The following MEI4 variants were observed in gnomAD, a reference collection of about 807,000 sequenced individuals.
MEI4 encodes meiotic double-stranded break formation protein 4, also known as meiosis-specific protein MEI4.
Under a neutral mutation model 31.4 loss-of-function variants are expected in MEI4, and 27 were observed. The ratio of observed to expected loss-of-function variants is 0.86; its 90% CI spans 0.63 to 1.19. The LOEUF is 1.19. Ranked by LOEUF, MEI4 falls within the 50% of genes most tolerant of loss-of-function variation. MEI4 has a pLI of 0.00. For missense variants in MEI4, 329 were observed against 398.9 expected (o/e 0.82, Z 1.49); for synonymous variants, 122 against 145.4 (o/e 0.84, Z 1.16).
At chr6:77,807,431 A>G (rs1270763448) in intron 3 of MEI4, among the ~76,000 whole-genome samples, 1 of 152,262 alleles carries the variant, frequency 6.6e-6, no homozygotes, top group East Asian at 1.9e-4. Context: ...TTAAACATTT[A>G]CAAAAGTAGG....
intron 4 of MEI4, among the ~76,000 whole-genome samples, chr6:77,906,872 C>G (rs957622790): frequency 6.6e-6 from 1 of 152,132 alleles, no homozygotes; most frequent in African/African-American, 2.4e-5. Flanking sequence ...AGATGTAGCT[C>G]TCTATGGCTG....
intron 2 of MEI4, among the ~76,000 whole-genome samples, chr6:77,731,094 G>T (rs1442402174): frequency 6.6e-6 from 1 of 151,968 alleles, no homozygotes; most frequent in Non-Finnish European, 1.5e-5. Flanking sequence ...ACATATGTGT[G>T]CATGTGTCTT....
At chr6:77,772,025 A>AT (rs1768331020) in intron 3 of MEI4, among the ~76,000 whole-genome samples, 1 of 151,936 alleles carries the variant, frequency 6.6e-6, no homozygotes, top group Non-Finnish European at 1.5e-5. Context: ...TGTGACTATC[A>AT]TAAAATAACA....
chr6:77,791,611 G>A lies in MEI4; in HGVS notation c.768+29946G>A, dbSNP rs541827114. 9.4e-3 allele frequency among the ~76,000 whole-genome samples: 1,411 copies of A among 150,020 alleles called. 10 individuals carry two copies. Among genetic ancestry groups the A allele is most frequent in the Non-Finnish European group, 0.015 (985 of 67,638 alleles). ...ACGAGTTAGTGGGTGCAGCGCACCA[G>A]CATGGCACATGTATACATATGTAAC... On this transcript the variant is annotated intron_variant, in intron 3 of 4. Coordinates refer to ENST00000684080, the MANE Select transcript of MEI4 (RefSeq NM_001322247.2).
chr6:77,769,382 G>A (rs1768252672), intron 3 of MEI4, among the ~76,000 whole-genome samples: 1 of 152,086 alleles, frequency 6.6e-6, no homozygotes, highest in African/African-American at 2.4e-5. Flanking sequence ...GCCACCATGG[G>A]CTAAAGTGTT....
chr6:77,756,749 G>T (rs1367630191), intron 2 of MEI4, among the ~76,000 whole-genome samples: 1 of 151,182 alleles, frequency 6.6e-6, no homozygotes, highest in African/African-American at 2.4e-5. Flanking sequence ...TGTAATTGTT[G>T]TGGTTTGGTA....
intron 2 of MEI4, among the ~76,000 whole-genome samples, chr6:77,737,063 A>T (rs1326497728): frequency 2.6e-5 from 4 of 152,220 alleles, no homozygotes; most frequent in African/African-American, 9.7e-5. Flanking sequence ...GTTGAAGCCT[A>T]GTAAGAAAAG....
intron 4 of MEI4, among the ~76,000 whole-genome samples, chr6:77,884,014 C>T (rs1771563139): frequency 6.6e-6 from 1 of 151,856 alleles, no homozygotes. Flanking sequence ...TGCATCCTCA[C>T]CAACGGTTGT....
intron 2 of MEI4, among the ~76,000 whole-genome samples, chr6:77,704,712 CAT>C (rs1766294338): frequency 6.6e-6 from 1 of 152,084 alleles, no homozygotes; most frequent in Non-Finnish European, 1.5e-5. Flanking sequence ...AAAAGTGAAA[CAT>C]ATGTTCAGGG....
chr6:77,712,008 A>C (rs1251804401), intron 2 of MEI4, among the ~76,000 whole-genome samples: 1 of 152,162 alleles, frequency 6.6e-6, no homozygotes, highest in Non-Finnish European at 1.5e-5. Context: ...GAAAGGGGTA[A>C]ATATTTTTCC....
intron 2 of MEI4, among the ~76,000 whole-genome samples, chr6:77,740,100 C>T (rs1053793920): frequency 2.0e-5 from 3 of 152,090 alleles, no homozygotes; most frequent in African/African-American, 7.2e-5. Context: ...TTTTATGTAA[C>T]TGTATGGTTT....
At chr6:77,776,922 T>A (rs952619625) in intron 3 of MEI4, among the ~76,000 whole-genome samples, 3 of 152,154 alleles carry the variant, frequency 2.0e-5, no homozygotes, top group African/African-American at 7.2e-5. Context: ...TAGCAAGAGA[T>A]AAGAGGTAGC....
chr6:77,878,020 A>T (rs1242928357), intron 4 of MEI4, among the ~76,000 whole-genome samples: 1 of 152,132 alleles, frequency 6.6e-6, no homozygotes, highest in East Asian at 1.9e-4. Context: ...GTCTTTAATA[A>T]TTAAAATATA....
chr6:77,803,403 T>C (rs1769330251), intron 3 of MEI4, among the ~76,000 whole-genome samples: 1 of 152,136 alleles, frequency 6.6e-6, no homozygotes, highest in Non-Finnish European at 1.5e-5. Context: ...TTAACTTCCT[T>C]GCCATGGGTT....
chr6:77,740,184 T>A (rs1431572906), intron 2 of MEI4, among the ~76,000 whole-genome samples: 1 of 152,232 alleles, frequency 6.6e-6, no homozygotes, highest in Non-Finnish European at 1.5e-5. Context: ...ATGATTTCAG[T>A]TCTTCTGCAT....
At chr6:77,801,065 T>C (rs1769241471) in intron 3 of MEI4, among the ~76,000 whole-genome samples, 1 of 152,220 alleles carries the variant, frequency 6.6e-6, no homozygotes, top group South Asian at 2.1e-4. Context: ...TCAGAAGGAA[T>C]GGTACCAGCT....
chr6:77,866,330 C>T (rs1322875286), intron 4 of MEI4, among the ~76,000 whole-genome samples: 2 of 152,098 alleles, frequency 1.3e-5, no homozygotes, highest in South Asian at 2.1e-4. Flanking sequence ...TCTAGAAAAC[C>T]CCATTGTCTC....
intron 4 of MEI4, among the ~76,000 whole-genome samples, chr6:77,917,599 C>A (rs1323623850): frequency 1.6e-5 from 1 of 61,116 alleles, no homozygotes. Flanking sequence ...ATGTCCTTTG[C>A]CCACTTTTTG....
chr6:77,669,329 T>A (rs1768695404), intron 1 of MEI4, among the ~76,000 whole-genome samples: 1 of 152,130 alleles, frequency 6.6e-6, no homozygotes, highest in Admixed American at 6.6e-5. Flanking sequence ...AAAACTGGAT[T>A]TTTAATAGTT....
Sources: gnomAD v4.1 joint callset for allele counts (sites outside exome capture counted in the v4.1 genomes callset) on GRCh38, gnomAD v4.1.1 for gene constraint, MANE v1.5 for transcripts, NCBI Gene and HGNC (gene_info 2026-07-23, HGNC 2026-07-21) for gene names.